The following COL25A1 variants were observed in gnomAD, a reference collection of about 807,000 sequenced individuals.
COL25A1 encodes collagen alpha-1(XXV) chain.
In COL25A1, 103 loss-of-function variants were observed where a neutral mutation model predicts 128.4. That is an observed-to-expected ratio of 0.80 (90% CI 0.68 to 0.94). COL25A1 has a LOEUF of 0.94. Ranked by LOEUF, COL25A1 falls within the 40% of genes least tolerant of loss-of-function variation. The probability of loss-of-function intolerance (pLI) is 0.00; values close to 1 mark genes in which losing one functional copy is unlikely to be tolerated. For synonymous variants in COL25A1, 279 were observed against 277.2 expected (o/e 1.01, Z -0.06); for missense variants, 745 against 840.0 (o/e 0.89, Z 1.40).
intron 24 of COL25A1, among the ~76,000 whole-genome samples, chr4:108,855,385 T>G (rs984842176): frequency 1.1e-4 from 16 of 151,442 alleles, no homozygotes; most frequent in Middle Eastern, 3.4e-3. Flanking sequence ...CTACTTTTTT[T>G]TTGTTGTTCC....
At chr4:109,036,268 C>G (rs1759343339) in intron 5 of COL25A1, among the ~76,000 whole-genome samples, 1 of 152,018 alleles carries the variant, frequency 6.6e-6, no homozygotes, top group South Asian at 2.1e-4. Flanking sequence ...CCCCTCTAAA[C>G]AAGGGAGCTA....
chr4:109,197,544 TAGAG>T lies in COL25A1; in HGVS notation c.367+103035_367+103038del, dbSNP rs536083252. Among the ~76,000 whole-genome samples, 369 of 138,762 alleles carry T rather than the reference TAGAG, an allele frequency of 2.7e-3. 5 individuals are homozygous for T. Among genetic ancestry groups the T allele is most frequent in the African/African-American group, 8.4e-3 (315 of 37,362 alleles). The allele number at this position is 138,762 out of a possible 152,430, so 91.0% of individuals were successfully genotyped here. Reference sequence around the variant, plus strand: ...TATAATATTATACATATATAAATAATAGAGAGAGAGAGTCACAGGACAATCTTTT... The same window carrying T: ...TATAATATTATACATATATAAATAATAGAGAGAGTCACAGGACAATCTTTT... On this transcript the variant is annotated intron_variant, in intron 3 of 37. Coordinates refer to ENST00000399132, the MANE Select transcript of COL25A1 (RefSeq NM_198721.4).
intron 3 of COL25A1, among the ~76,000 whole-genome samples, chr4:109,108,363 T>C (rs10019165): frequency 0.21 from 31,649 of 151,288 alleles, 3,908 homozygotes; most frequent in East Asian, 0.38. Flanking sequence ...CATGAACTCA[T>C]CATTTTTTAT....
intron 3 of COL25A1, among the ~76,000 whole-genome samples, chr4:109,128,135 T>TA (rs1360242470): frequency 2.0e-5 from 3 of 152,082 alleles, no homozygotes; most frequent in Admixed American, 6.6e-5. Flanking sequence ...CCAAGGAAGT[T>TA]AGAGTCAGGA....
At chr4:109,254,164 G>A (rs973752925) in intron 3 of COL25A1, among the ~76,000 whole-genome samples, 1 of 151,438 alleles carries the variant, frequency 6.6e-6, no homozygotes, top group Non-Finnish European at 1.5e-5. Flanking sequence ...ACAAGTTGTG[G>A]TATAGATAAT....
chr4:109,030,398 C>T (rs1057425096), intron 5 of COL25A1, among the ~76,000 whole-genome samples: 1 of 152,146 alleles, frequency 6.6e-6, no homozygotes, highest in African/African-American at 2.4e-5. Flanking sequence ...GTGGAATAGC[C>T]TCTAGTGCAT....
At chr4:109,262,347 C>T (rs1781513859) in intron 3 of COL25A1, among the ~76,000 whole-genome samples, 1 of 151,476 alleles carries the variant, frequency 6.6e-6, no homozygotes, top group Non-Finnish European at 1.5e-5. Flanking sequence ...AACCCCGTCT[C>T]TACTAAAAAT....
intron 6 of COL25A1, among the ~76,000 whole-genome samples, chr4:108,975,711 A>G (rs1261772663): frequency 6.6e-6 from 1 of 152,132 alleles, no homozygotes; most frequent in Non-Finnish European, 1.5e-5. Flanking sequence ...TCTGGTGGTG[A>G]TGTAGTAATT....
At chr4:108,976,180 T>G (rs533968156) in intron 6 of COL25A1, among the ~76,000 whole-genome samples, 9 of 152,188 alleles carry the variant, frequency 5.9e-5, no homozygotes, top group Non-Finnish European at 1.3e-4. Flanking sequence ...AGCTATTTTT[T>G]TAGCTAAAGT....
Position 108,869,152 on chromosome 4 carries a change from T to A in COL25A1, c.1021-2A>T. On this transcript the variant is annotated splice_acceptor_variant, in intron 19 of 37. Coordinates refer to ENST00000399132, the MANE Select transcript of COL25A1 (RefSeq NM_198721.4). LOFTEE classifies it high-confidence loss of function. The stretch of plus-strand genomic sequence containing the variant: ...AGGACCAATGAAACCTGGTTCTCCC[T>A]TTAAAAACATGGGCATATGAGATCA... 6.7e-7 allele frequency: 1 copy of A among 1,503,538 alleles called. No individual in the cohort carries two copies. Among genetic ancestry groups the A allele is most frequent in the Non-Finnish European group, 8.9e-7 (1 of 1,117,430 alleles). 93.1% of individuals were successfully genotyped at this position (1,503,538 alleles called of 1,614,324 possible).
intron 3 of COL25A1, among the ~76,000 whole-genome samples, chr4:109,061,908 C>T (rs1762009801): frequency 6.6e-6 from 1 of 152,142 alleles, no homozygotes; most frequent in African/African-American, 2.4e-5. Context: ...AGCAAGTAAG[C>T]ATTTTCCAAT....
chr4:109,218,306 A>G (rs1047637674), intron 3 of COL25A1, among the ~76,000 whole-genome samples: 1 of 150,114 alleles, frequency 6.7e-6, no homozygotes, highest in African/African-American at 2.5e-5. Flanking sequence ...CATTAATGGA[A>G]AGTGTTACTA....
chr4:108,895,663 C>T (rs1742034374), intron 16 of COL25A1, among the ~76,000 whole-genome samples: 1 of 152,122 alleles, frequency 6.6e-6, no homozygotes, highest in Admixed American at 6.5e-5. Context: ...GGTAAATTTT[C>T]AAGACTGCAT....
chr4:109,098,828 T>C (rs1452723895), intron 3 of COL25A1, among the ~76,000 whole-genome samples: 1 of 152,234 alleles, frequency 6.6e-6, no homozygotes, highest in Non-Finnish European at 1.5e-5. Flanking sequence ...CTGCAAACTT[T>C]GAAAGATTAG....
At chr4:108,944,718 T>C (rs1292941518) in intron 8 of COL25A1, among the ~76,000 whole-genome samples, 2 of 152,180 alleles carry the variant, frequency 1.3e-5, no homozygotes, top group African/African-American at 2.4e-5. Context: ...CCTTAAGTTT[T>C]ATAACTCCTT....
intron 3 of COL25A1, among the ~76,000 whole-genome samples, chr4:109,266,519 C>T (rs1306410292): frequency 2.0e-5 from 3 of 151,984 alleles, no homozygotes; most frequent in Non-Finnish European, 4.4e-5. Context: ...ATGTTGTTGG[C>T]ACTAAACCTA....
chr4:109,157,281 T>C (rs17040003), intron 3 of COL25A1, among the ~76,000 whole-genome samples: 4,599 of 152,292 alleles, frequency 0.03, 233 homozygotes, highest in African/African-American at 0.1. Flanking sequence ...ATCTTCAAGA[T>C]TGTCTCATTG....
At chr4:108,849,752 C>G (rs142706670) in intron 26 of COL25A1, among the ~76,000 whole-genome samples, 1 of 152,156 alleles carries the variant, frequency 6.6e-6, no homozygotes, top group African/African-American at 2.4e-5. Context: ...AGATTTCCAA[C>G]GGAGCTGACC....
intron 19 of COL25A1, among the ~76,000 whole-genome samples, chr4:108,882,467 T>C (rs1243800374): frequency 6.6e-6 from 1 of 152,158 alleles, no homozygotes; most frequent in Non-Finnish European, 1.5e-5. Context: ...CCTTCCCCTT[T>C]ATTTATAATG....
Sources: gnomAD v4.1 joint callset for allele counts (sites outside exome capture counted in the v4.1 genomes callset) on GRCh38, gnomAD v4.1.1 for gene constraint, MANE v1.5 for transcripts, NCBI Gene and HGNC (gene_info 2026-07-23, HGNC 2026-07-21) for gene names.